Variants in CAMK4 observed in about 807,000 individuals in gnomAD.
The protein encoded by CAMK4 is calcium/calmodulin-dependent protein kinase type IV.
A neutral mutation model predicts 44.9 loss-of-function variants in CAMK4; 22 were observed. The observed-to-expected ratio is 0.49, with a 90% CI of 0.35 to 0.70. The LOEUF is 0.70. Ranked by LOEUF, CAMK4 falls within the 30% of genes least tolerant of loss-of-function variation. CAMK4 has a pLI of 0.01. For missense variants in CAMK4, 498 were observed against 586.8 expected (o/e 0.85, Z 1.56); for synonymous variants, 218 against 215.4 (o/e 1.01, Z -0.11).
chr5:111,489,855 G>C lies in CAMK4; in HGVS notation c.*5389G>C, dbSNP rs1755754969. On this transcript the variant is annotated 3_prime_UTR_variant, in exon 11 of 11. Coordinates refer to ENST00000282356, the MANE Select transcript of CAMK4 (RefSeq NM_001744.6). ...TCTTGGTTTGCTATGCCTTATCCCA[G>C]ATCAGTGTTTTGTTCCATCCCTATG... 1 of 152,234 alleles carries C rather than the reference G, an allele frequency of 6.6e-6. No homozygotes were observed. Among genetic ancestry groups the C allele is most frequent in the Non-Finnish European group, 1.5e-5 (1 of 68,064 alleles). 9.4% of individuals were successfully genotyped at this position (152,234 alleles called of 1,614,324 possible). A position where few individuals can be genotyped will look rare whatever the true frequency, so the allele number is the denominator to read the frequency against.
At chr5:111,478,544 T>C in intron 9 of CAMK4, 37 bp downstream of exon 9, 1 of 1,242,498 alleles carries the variant, frequency 8.0e-7, no homozygotes, top group Non-Finnish European at 1.1e-6. Flanking sequence ...CAAAATGAAA[T>C]AAATTTATTT....
At chr5:111,354,277 A>T (rs180901421) in intron 2 of CAMK4, among the ~76,000 whole-genome samples, 1 of 152,252 alleles carries the variant, frequency 6.6e-6, no homozygotes, top group Admixed American at 6.5e-5. Flanking sequence ...ATTATCAGGG[A>T]TTGAGTGCAG....
Position 111,311,866 on chromosome 5 carries a change from T to C in CAMK4, c.162-32158T>C, listed in dbSNP as rs79710173. Among the ~76,000 whole-genome samples, 1,048 of 152,208 alleles carry C rather than the reference T, an allele frequency of 6.9e-3. 80 individuals are homozygous for C. The East Asian group carries it at 0.17, about 24-fold the overall frequency. On this transcript the variant is annotated intron_variant, in intron 1 of 10. Coordinates refer to ENST00000282356, the MANE Select transcript of CAMK4 (RefSeq NM_001744.6). ...CAGTCTTCCTAATCTTCGGTAGCAG[T>C]GAGGTGATGTTGTGTTGTTGCTATT...
intron 1 of CAMK4, among the ~76,000 whole-genome samples, chr5:111,316,001 G>A (rs1265042312): frequency 6.6e-6 from 1 of 152,072 alleles, no homozygotes; most frequent in East Asian, 1.9e-4. Context: ...ATTAATGCAG[G>A]AAGCAAAACA....
At chr5:111,311,808 C>T (rs1012165492) in intron 1 of CAMK4, among the ~76,000 whole-genome samples, 1 of 152,120 alleles carries the variant, frequency 6.6e-6, no homozygotes, top group African/African-American at 2.4e-5. Flanking sequence ...TCTTTGGTCT[C>T]ATTCCAGTAG....
In CAMK4 at chr5:111,266,300, T is replaced by G. The variant is rs562795928; in HGVS notation, c.161+41656T>G. ...AACATTTCCCTTATTATATTTATTC[T>G]GAACTGCAGTTGCTTCCCTCTTCAA... On this transcript the variant is annotated intron_variant, in intron 1 of 10. Transcript: ENST00000282356. 2.0e-5 allele frequency among the ~76,000 whole-genome samples: 3 copies of G among 152,212 alleles called. No individual in the cohort carries two copies. In the East Asian group the frequency reaches 5.8e-4, roughly 29 times the overall value.
chr5:111,255,172 G>T (rs1377378941), intron 1 of CAMK4, among the ~76,000 whole-genome samples: 1 of 152,056 alleles, frequency 6.6e-6, no homozygotes, highest in African/African-American at 2.4e-5. Context: ...GTCTAATTTT[G>T]TAGTTGCATG....
intron 3 of CAMK4, among the ~76,000 whole-genome samples, chr5:111,375,796 G>A (rs1295736945): frequency 6.6e-6 from 1 of 152,110 alleles, no homozygotes; most frequent in East Asian, 1.9e-4. Flanking sequence ...TCAGTGCATT[G>A]ACTTTCATCC....
chr5:111,262,288 G>A (rs938403872), intron 1 of CAMK4, among the ~76,000 whole-genome samples: 2 of 152,112 alleles, frequency 1.3e-5, no homozygotes, highest in Non-Finnish European at 2.9e-5. Flanking sequence ...GGGTGAGCTG[G>A]TGGAAAATTG....
chr5:111,450,464 AC>A, intron 7 of CAMK4, among the ~76,000 whole-genome samples: 1 of 150,802 alleles, frequency 6.6e-6, no homozygotes, highest in East Asian at 2.0e-4. Context: ...CTGCCCTTAC[AC>A]CCACACTGGG....
At chr5:111,341,190 G>A (rs1021251140) in intron 1 of CAMK4, among the ~76,000 whole-genome samples, 9 of 151,350 alleles carry the variant, frequency 5.9e-5, no homozygotes, top group South Asian at 2.1e-4. Flanking sequence ...TCAAAGAGCA[G>A]ACATTCTTAA....
At chr5:111,226,468 A>T (rs552900142) in intron 1 of CAMK4, among the ~76,000 whole-genome samples, 2 of 152,362 alleles carry the variant, frequency 1.3e-5, no homozygotes, top group East Asian at 3.9e-4. Context: ...AGCCCACTGT[A>T]GTTGAAAATA....
In CAMK4 at chr5:111,486,884, T is replaced by G. The variant is rs1755650886; in HGVS notation, c.*2418T>G. 1 of 152,188 alleles carries G rather than the reference T, an allele frequency of 6.6e-6. No individual in the cohort carries two copies. Among genetic ancestry groups the G allele is most frequent in the Non-Finnish European group, 1.5e-5 (1 of 68,030 alleles). 9.4% of individuals were successfully genotyped at this position (152,188 alleles called of 1,614,324 possible). On this transcript the variant is annotated 3_prime_UTR_variant, in exon 11 of 11. Coordinates refer to ENST00000282356, the MANE Select transcript of CAMK4 (RefSeq NM_001744.6). ...TAAAAAAATCAATGGGAGTTTTAAA[T>G]TTTGACTCATGTTAAAGATAAGATT...
chr5:111,424,554 C>G (rs1431830940), intron 5 of CAMK4, among the ~76,000 whole-genome samples: 1 of 148,558 alleles, frequency 6.7e-6, no homozygotes, highest in Non-Finnish European at 1.5e-5. Context: ...ACGCCATTCT[C>G]CTGCCTCAGC....
chr5:111,242,695 G>T (rs952571690), intron 1 of CAMK4, among the ~76,000 whole-genome samples: 2 of 152,050 alleles, frequency 1.3e-5, no homozygotes, highest in South Asian at 4.1e-4. Flanking sequence ...TGCGCTTGCC[G>T]TCTTACGCCC....
intron 7 of CAMK4, among the ~76,000 whole-genome samples, chr5:111,463,820 G>A (rs569658346): frequency 6.6e-6 from 1 of 152,176 alleles, no homozygotes; most frequent in Non-Finnish European, 1.5e-5. Context: ...GGAGTATAGT[G>A]TGGGACAAAA....
chr5:111,467,796 A>G (rs1340202448), intron 7 of CAMK4, among the ~76,000 whole-genome samples: 1 of 152,136 alleles, frequency 6.6e-6, no homozygotes, highest in Non-Finnish European at 1.5e-5. Flanking sequence ...CAGTGTGGAG[A>G]TTCCTTAAAT....
At chr5:111,375,295 C>G (rs1751173428) in intron 3 of CAMK4, among the ~76,000 whole-genome samples, 1 of 152,080 alleles carries the variant, frequency 6.6e-6, no homozygotes, top group South Asian at 2.1e-4. Flanking sequence ...CAAGTAATTT[C>G]AGTCTGCTTT....
intron 2 of CAMK4, among the ~76,000 whole-genome samples, chr5:111,372,391 T>G (rs1247537386): frequency 6.6e-6 from 1 of 152,076 alleles, no homozygotes; most frequent in African/African-American, 2.4e-5. Context: ...GGCACATAAA[T>G]CAAGCAAGGC....
Sources: allele counts gnomAD v4.1 joint callset (sites outside exome capture counted in the v4.1 genomes callset), GRCh38; gene constraint gnomAD v4.1.1; transcripts MANE v1.5; gene names NCBI Gene and HGNC (gene_info 2026-07-23, HGNC 2026-07-21).